BTBD9: variants seen among roughly 807,000 people sequenced by gnomAD.
BTBD9 encodes the protein BTB/POZ domain-containing protein 9.
Under a neutral mutation model 64.3 loss-of-function variants are expected in BTBD9, and 49 were observed. The ratio of observed to expected loss-of-function variants is 0.76; its 90% CI spans 0.61 to 0.97. The LOEUF is 0.97. BTBD9 is among the 50% of genes least tolerant of loss of function. The probability of loss-of-function intolerance (pLI) is 0.00; values close to 1 mark genes in which losing one functional copy is unlikely to be tolerated. For missense variants in BTBD9, 598 were observed against 762.1 expected, an observed-to-expected ratio of 0.78 and a Z score of 2.53; for synonymous variants, 260 against 274.7, an observed-to-expected ratio of 0.95 and a Z score of 0.53.
intron 10 of BTBD9, among the ~76,000 whole-genome samples, chr6:38,189,805 C>T (rs889904449): frequency 1.3e-4 from 19 of 151,810 alleles, no homozygotes; most frequent in Admixed American, 1.1e-3. Flanking sequence ...TCCCATGTAG[C>T]TGGGATTACA....
chr6:38,215,291 G>A (rs1306374478), intron 9 of BTBD9, among the ~76,000 whole-genome samples: 1 of 152,176 alleles, frequency 6.6e-6, no homozygotes, highest in Non-Finnish European at 1.5e-5. Context: ...TTTTGGAGCA[G>A]CTTAGAAAGA....
intron 7 of BTBD9, among the ~76,000 whole-genome samples, chr6:38,337,725 G>A (rs974205864): frequency 3.9e-5 from 6 of 152,174 alleles, no homozygotes; most frequent in Non-Finnish European, 7.3e-5. Context: ...CCCCTTTACA[G>A]TGCCTGTCTT....
At chr6:38,508,263 C>T (rs1009837672) in intron 6 of BTBD9, among the ~76,000 whole-genome samples, 1 of 152,082 alleles carries the variant, frequency 6.6e-6, no homozygotes, top group African/African-American at 2.4e-5. Context: ...GACTTTATCA[C>T]CTTCCTCTGT....
intron 9 of BTBD9, among the ~76,000 whole-genome samples, chr6:38,239,409 T>C (rs1763912306): frequency 7.6e-6 from 1 of 132,410 alleles, no homozygotes; most frequent in Non-Finnish European, 1.5e-5. Flanking sequence ...CACTGCATTG[T>C]AGCCTGGCGA....
At chr6:38,431,622 C>T (rs909602722) in intron 6 of BTBD9, among the ~76,000 whole-genome samples, 20 of 150,082 alleles carry the variant, frequency 1.3e-4, no homozygotes, top group African/African-American at 5.1e-4. Flanking sequence ...TAATCTCTAT[C>T]TACTCTGTCA....
chr6:38,204,295 A>G (rs1301901808), intron 9 of BTBD9, among the ~76,000 whole-genome samples: 1 of 152,192 alleles, frequency 6.6e-6, no homozygotes, highest in African/African-American at 2.4e-5. Context: ...TGCATTATTC[A>G]TAATAAAAAG....
At chr6:38,376,039 C>T (rs1472290062) in intron 6 of BTBD9, among the ~76,000 whole-genome samples, 1 of 151,832 alleles carries the variant, frequency 6.6e-6, no homozygotes, top group Non-Finnish European at 1.5e-5. Context: ...TCAATATAAC[C>T]AGAAAGCATA....
chr6:38,521,973 C>T (rs376562173), intron 6 of BTBD9, among the ~76,000 whole-genome samples: 6 of 152,298 alleles, frequency 3.9e-5, no homozygotes, highest in African/African-American at 1.4e-4. Context: ...CCACACCCAG[C>T]CCCTCCTCTC....
intron 6 of BTBD9, among the ~76,000 whole-genome samples, chr6:38,380,060 G>A (rs1483144896): frequency 6.6e-6 from 1 of 152,026 alleles, no homozygotes; most frequent in Non-Finnish European, 1.5e-5. Flanking sequence ...GTGGGTGTGG[G>A]AATTGCTGTA....
At chr6:38,236,412 C>A (rs143206638) in intron 9 of BTBD9, among the ~76,000 whole-genome samples, 2 of 152,348 alleles carry the variant, frequency 1.3e-5, no homozygotes, top group African/African-American at 4.8e-5. Flanking sequence ...AACCTGAAAT[C>A]CAAATAGCCA....
Position 38,361,403 on chromosome 6 carries a change from G to C in BTBD9, c.1155-16310C>G, listed in dbSNP as rs117768717. On this transcript the variant is annotated intron_variant, in intron 6 of 10. Transcript: ENST00000481247. ...TACAAAAACAGGAATTTCAAAATTA[G>C]CTAGGAGTGGTGGCACATGGCTATA... Among the ~76,000 whole-genome samples the C allele has an allele frequency of 1.4e-4, 22 of 152,058 alleles. No homozygotes were observed. In the East Asian group the frequency reaches 4.3e-3, roughly 29 times the overall value.
chr6:38,342,030 A>C (rs1281734208), intron 7 of BTBD9, among the ~76,000 whole-genome samples: 2 of 152,220 alleles, frequency 1.3e-5, no homozygotes, highest in Non-Finnish European at 2.9e-5. Context: ...AAGAAGACTA[A>C]AATCTCATAT....
chr6:38,454,560 G>A (rs1347673268), intron 6 of BTBD9, among the ~76,000 whole-genome samples: 1 of 150,764 alleles, frequency 6.6e-6, no homozygotes. Flanking sequence ...CACTTAGGAG[G>A]CCGACACATG....
At chr6:38,604,278 T>C (rs1440487939) in intron 1 of BTBD9, among the ~76,000 whole-genome samples, 2 of 152,322 alleles carry the variant, frequency 1.3e-5, no homozygotes, top group East Asian at 3.9e-4. Flanking sequence ...TAATTTTATG[T>C]TTGTAAATAA....
intron 6 of BTBD9, among the ~76,000 whole-genome samples, chr6:38,544,316 C>T (rs1774430215): frequency 6.6e-6 from 1 of 151,838 alleles, no homozygotes; most frequent in African/African-American, 2.4e-5. Context: ...CCATGGGAGT[C>T]CCCATGGATA....
chr6:38,346,125 GT>G (rs926311286), intron 6 of BTBD9, among the ~76,000 whole-genome samples: 1 of 152,140 alleles, frequency 6.6e-6, no homozygotes, highest in Non-Finnish European at 1.5e-5. Flanking sequence ...ACTGGACAAG[GT>G]TTTAGTAATC....
chr6:38,191,542 G>C (rs1308281959), intron 10 of BTBD9, among the ~76,000 whole-genome samples: 2 of 152,174 alleles, frequency 1.3e-5, no homozygotes, highest in Non-Finnish European at 2.9e-5. Flanking sequence ...CCGCCCTGCC[G>C]GCCAGTGTAG....
chr6:38,581,183 T>A lies in BTBD9; in HGVS notation c.815-746A>T, dbSNP rs151236445. On this transcript the variant is annotated intron_variant, in intron 4 of 10. Coordinates refer to ENST00000481247, the MANE Select transcript of BTBD9 (RefSeq NM_001099272.2). ...CTCTAGCCTGGGCAACAAGAGTAAA[T>A]CTCCGTCTCAACAACAAAAAAATCT... Among the ~76,000 whole-genome samples, 335 of 152,056 alleles carry A rather than the reference T, an allele frequency of 2.2e-3. 6 individuals carry two copies. In the East Asian group the frequency reaches 0.037, roughly 17 times the overall value.
At chr6:38,193,904 C>T (rs2127486805) in intron 9 of BTBD9, 1 of 983,512 alleles carries the variant, frequency 1.0e-6, no homozygotes, top group African/African-American at 1.7e-5. Flanking sequence ...GACACCAGTC[C>T]CCTTAAGGTC....
Sources: gnomAD v4.1 joint callset for allele counts (sites outside exome capture counted in the v4.1 genomes callset) on GRCh38, gnomAD v4.1.1 for gene constraint, MANE v1.5 for transcripts, NCBI Gene and HGNC (gene_info 2026-07-23, HGNC 2026-07-21) for gene names.